DPP10: variants seen among roughly 807,000 people sequenced by gnomAD.
DPP10 encodes dipeptidyl peptidase like 10.
In DPP10, 33 loss-of-function variants were observed where a neutral mutation model predicts 120.9. The observed-to-expected ratio is 0.27, with a 90% CI of 0.21 to 0.37. The LOEUF is 0.37. Ranked by LOEUF, DPP10 falls within the 10% of genes least tolerant of loss-of-function variation. The pLI is 1.00. For synonymous variants in DPP10, 337 were observed against 326.1 expected, an observed-to-expected ratio of 1.03 and a Z score of -0.36; for missense variants, 816 against 942.8, an observed-to-expected ratio of 0.87 and a Z score of 1.76.
At chr2:114,728,105 G>A (rs866822068) in intron 1 of DPP10, among the ~76,000 whole-genome samples, 1 of 152,134 alleles carries the variant, frequency 6.6e-6, no homozygotes, top group African/African-American at 2.4e-5. Context: ...GAAAGACTTA[G>A]AACAGTGTAG....
intron 1 of DPP10, among the ~76,000 whole-genome samples, chr2:114,825,376 C>G (rs958550651): frequency 1.3e-5 from 2 of 152,124 alleles, no homozygotes; most frequent in African/African-American, 2.4e-5. Context: ...AATTGTATGC[C>G]TGTTGAGTTC....
At chr2:114,770,850 A>G (rs1574148035) in intron 1 of DPP10, among the ~76,000 whole-genome samples, 1 of 152,168 alleles carries the variant, frequency 6.6e-6, no homozygotes, top group Non-Finnish European at 1.5e-5. Context: ...GGAACTACTC[A>G]TATACTCAAA....
intron 1 of DPP10, among the ~76,000 whole-genome samples, chr2:114,599,291 T>A (rs1464375768): frequency 6.6e-6 from 1 of 151,912 alleles, no homozygotes; most frequent in East Asian, 1.9e-4. Flanking sequence ...TCTGTGGGTT[T>A]TGACAAAAGC....
At chr2:115,643,114 A>G (rs111844545) in intron 5 of DPP10, among the ~76,000 whole-genome samples, 11 of 152,012 alleles carry the variant, frequency 7.2e-5, no homozygotes, top group African/African-American at 2.6e-4. Context: ...AATTAAAGTC[A>G]GTCTTGACTC....
Position 114,857,379 on chromosome 2 carries a change from C to T in DPP10, c.60+414541C>T, listed in dbSNP as rs188763077. On this transcript the variant is annotated intron_variant, in intron 1 of 25. Coordinates refer to ENST00000410059, the MANE Select transcript of DPP10 (RefSeq NM_020868.6). ...GCCCTCCTGCCTTCTCATCAGATGG[C>T]TGACCCCACCTGACCTGCTAATCAG... Among the ~76,000 whole-genome samples, 33 of 152,324 alleles carry T rather than the reference C, an allele frequency of 2.2e-4. No homozygotes were observed. In the Middle Eastern group the frequency reaches 0.014, roughly 63 times the overall value.
chr2:115,318,133 G>C (rs2061887139), intron 2 of DPP10, among the ~76,000 whole-genome samples: 1 of 151,968 alleles, frequency 6.6e-6, no homozygotes, highest in Non-Finnish European at 1.5e-5. Context: ...GTGTGAGTTA[G>C]GGAGTCTAGC....
chr2:114,622,505 C>T (rs532909634), intron 1 of DPP10, among the ~76,000 whole-genome samples: 2 of 151,696 alleles, frequency 1.3e-5, no homozygotes, highest in African/African-American at 2.4e-5. Flanking sequence ...GAATCCGTTG[C>T]TTTTTTGCTA....
chr2:115,568,716 G>C (rs924915405), intron 5 of DPP10, among the ~76,000 whole-genome samples: 1 of 151,866 alleles, frequency 6.6e-6, no homozygotes, highest in Non-Finnish European at 1.5e-5. Flanking sequence ...GTTAATCTGG[G>C]TATGTTCTCC....
chr2:114,809,572 C>A (rs763522965), intron 1 of DPP10, among the ~76,000 whole-genome samples: 1 of 152,128 alleles, frequency 6.6e-6, no homozygotes, highest in Admixed American at 6.6e-5. Context: ...TTCTTTGTGA[C>A]AATCGTGTGA....
At chr2:114,581,548 T>G (rs750534744) in intron 1 of DPP10, among the ~76,000 whole-genome samples, 1 of 152,188 alleles carries the variant, frequency 6.6e-6, no homozygotes, top group African/African-American at 2.4e-5. Context: ...TTCAATGGAC[T>G]TTTCTAACCT....
At chr2:114,850,051 T>TC (rs1688834760) in intron 1 of DPP10, among the ~76,000 whole-genome samples, 2 of 117,748 alleles carry the variant, frequency 1.7e-5, no homozygotes, top group Admixed American at 9.4e-5. Context: ...CCCTTCTCTT[T>TC]CTTTTTTTTT....
At chr2:114,838,743 G>A (rs1687932651) in intron 1 of DPP10, among the ~76,000 whole-genome samples, 1 of 152,016 alleles carries the variant, frequency 6.6e-6, no homozygotes, top group African/African-American at 2.4e-5. Flanking sequence ...GGTTACCATG[G>A]GGGCATTCTT....
chr2:115,381,893 G>T (rs896848190), intron 3 of DPP10, among the ~76,000 whole-genome samples: 5 of 152,084 alleles, frequency 3.3e-5, no homozygotes. Flanking sequence ...ACCCACTTGA[G>T]GAGGCAGTCT....
intron 1 of DPP10, chr2:115,234,109 C>T (rs529178420): frequency 5.8e-6 from 2 of 342,674 alleles, no homozygotes; most frequent in South Asian, 4.4e-5. Context: ...TTCACTTATT[C>T]CCAAGTTTTA....
At chr2:114,526,228 ATGT>A (rs1685486719) in intron 1 of DPP10, among the ~76,000 whole-genome samples, 1 of 152,202 alleles carries the variant, frequency 6.6e-6, no homozygotes, top group African/African-American at 2.4e-5. Flanking sequence ...AACATTAGTT[ATGT>A]TGTTGTGTGC....
At chr2:115,316,255 A>G (rs1432187422) in intron 2 of DPP10, among the ~76,000 whole-genome samples, 1 of 152,198 alleles carries the variant, frequency 6.6e-6, no homozygotes, top group Non-Finnish European at 1.5e-5. Flanking sequence ...ATTTCACACA[A>G]CTAGAAGGCA....
chr2:115,475,757 G>C (rs1022009051), intron 3 of DPP10, among the ~76,000 whole-genome samples: 1 of 152,182 alleles, frequency 6.6e-6, no homozygotes, highest in Non-Finnish European at 1.5e-5. Context: ...TTTTGCGTCA[G>C]TGTGACCTGG....
At chr2:114,786,152 C>G (rs1359867101) in intron 1 of DPP10, among the ~76,000 whole-genome samples, 1 of 152,172 alleles carries the variant, frequency 6.6e-6, no homozygotes, top group Non-Finnish European at 1.5e-5. Flanking sequence ...AGCAGAGTCT[C>G]TCAGCTGTGT....
intron 1 of DPP10, among the ~76,000 whole-genome samples, chr2:114,941,981 TATG>T (rs1696936455): frequency 1.3e-5 from 2 of 151,886 alleles, no homozygotes; most frequent in Non-Finnish European, 2.9e-5. Flanking sequence ...GATCAAAAAG[TATG>T]ATATGTTGGC....
Sources: allele counts gnomAD v4.1 joint callset (sites outside exome capture counted in the v4.1 genomes callset), GRCh38; gene constraint gnomAD v4.1.1; transcripts MANE v1.5; gene names NCBI Gene and HGNC (gene_info 2026-07-23, HGNC 2026-07-21).